BTBD2: variants seen among roughly 807,000 people sequenced by gnomAD.
The protein encoded by BTBD2 is BTB/POZ domain-containing protein 2.
BTBD2 carries 15 observed loss-of-function variants against 44.0 expected under a neutral mutation model. That is an observed-to-expected ratio of 0.34 (90% CI 0.23 to 0.53). The LOEUF is 0.53. Among genes scored for constraint, BTBD2 ranks in the 20% least tolerant of loss-of-function variants. The pLI is 0.95. For synonymous variants in BTBD2, 443 were observed against 335.9 expected, an observed-to-expected ratio of 1.32 and a Z score of -3.49; for missense variants, 657 against 746.4, an observed-to-expected ratio of 0.88 and a Z score of 1.39.
intron 5 of BTBD2, 122 bp downstream of exon 5, chr19:1,989,882 G>T: frequency 8.7e-7 from 1 of 1,149,238 alleles, no homozygotes; most frequent in Non-Finnish European, 1.2e-6. Context: ...CTTCCTATCT[G>T]TATATGCCAG....
rs375964482 is a variant in BTBD2 at position 2,012,402 on chromosome 19, G to A, written c.407+2895C>T. Among the ~76,000 whole-genome samples the A allele has an allele frequency of 6.8e-4, 104 of 152,028 alleles. 4 individuals carry two copies. Among genetic ancestry groups the A allele is most frequent in the African/African-American group, 2.0e-3 (83 of 41,374 alleles). ...CCCGACCTCGTGATCTGCCCGCCTC[G>A]GCCTCCCAAAGTGCTGGGATTCCAG... On this transcript the variant is annotated intron_variant, in intron 1 of 8. Coordinates refer to ENST00000255608, the MANE Select transcript of BTBD2 (RefSeq NM_017797.4).
At chr19:1,992,355 C>T (rs1323026606) in intron 3 of BTBD2, among the ~76,000 whole-genome samples, 1 of 152,018 alleles carries the variant, frequency 6.6e-6, no homozygotes, top group East Asian at 1.9e-4. Context: ...CTGTCTCAGC[C>T]TCCCAAAATG....
chr19:1,987,022 A>C lies in BTBD2; in HGVS notation c.1270-46T>G, dbSNP rs1337353341. On this transcript the variant is annotated intron_variant, in intron 7 of 8. Coordinates refer to ENST00000255608, the MANE Select transcript of BTBD2 (RefSeq NM_017797.4). ...GGAGGCTCAGGCCTGGGGAGGGCCA[A>C]CGGGGACCCCTCGAGGCCCAGCCCA... 2.5e-6 allele frequency: 4 copies of C among 1,598,928 alleles called. No individual in the cohort carries two copies. In the African/African-American group the frequency reaches 5.4e-5, roughly 21 times the overall value.
chr19:1,997,574 C>CCAGCAGG, intron 1 of BTBD2, 111 bp from the exon 2 acceptor site: 1 of 1,485,218 alleles, frequency 6.7e-7, no homozygotes, highest in Admixed American at 1.9e-5. Context: ...CTGCCAGCCT[C>CCAGCAGG]CAGCAGGCAT....
chr19:1,986,408 T>TG lies in BTBD2; in HGVS notation c.*79dup, dbSNP rs1050798544. ...GGACACTGGGCCTGGCACCGCGTGGTGGGGGGGCCCCAGCAGCAGATGATG... is the reference window on the plus strand; with the variant it reads ...GGACACTGGGCCTGGCACCGCGTGGTGGGGGGGGCCCCAGCAGCAGATGATG... On this transcript the variant is annotated 3_prime_UTR_variant, in exon 9 of 9. Transcript: ENST00000255608. 96 of 1,561,754 alleles carry TG rather than the reference T, an allele frequency of 6.1e-5. No individual in the cohort carries two copies. The East Asian group carries it at 1.3e-3, about 21-fold the overall frequency.
Position 1,990,161 on chromosome 19 carries a change from G to A in BTBD2, c.831C>T (p.Ile277=). The change falls in exon 5 of 9, where the codon ATC becomes ATT. Residue 277 remains isoleucine, a synonymous_variant. Coordinates refer to ENST00000255608, the MANE Select transcript of BTBD2 (RefSeq NM_017797.4). ...CGGCATTGAACAGCCGCACCTCACG[G>A]ATGCCCAGTGTGTCGCGCTCCAGGA... ...VAVLERDTLG[I]REVRLFNAVV... 1 of 1,610,314 alleles carries A rather than the reference G, an allele frequency of 6.2e-7. No homozygotes were observed. Among genetic ancestry groups the A allele is most frequent in the Non-Finnish European group, 8.5e-7 (1 of 1,178,892 alleles).
intron 3 of BTBD2, among the ~76,000 whole-genome samples, chr19:1,992,702 G>C (rs2016195688): frequency 6.6e-6 from 1 of 152,050 alleles, no homozygotes; most frequent in Admixed American, 6.6e-5. Context: ...CTCCCAAGTA[G>C]CTGGAATTAC....
At chr19:2,001,085 A>C (rs572998318) in intron 1 of BTBD2, among the ~76,000 whole-genome samples, 2 of 152,242 alleles carry the variant, frequency 1.3e-5, no homozygotes, top group East Asian at 3.9e-4. Flanking sequence ...GGAGTTCGAG[A>C]CCAGCCTGGC....
chr19:2,011,967 G>A (rs2016470503), intron 1 of BTBD2, among the ~76,000 whole-genome samples: 1 of 151,836 alleles, frequency 6.6e-6, no homozygotes, highest in Non-Finnish European at 1.5e-5. Context: ...TGATTCTCCT[G>A]CCTCAGCCTC....
rs1824377090 is a variant in BTBD2, at chr19:1,986,548, C to T, written c.1518G>A (p.Gly506=). 6.2e-7 allele frequency: 1 copy of T among 1,614,090 alleles called. No individual in the cohort carries two copies. The highest frequency in any genetic ancestry group is 8.5e-7 in the Non-Finnish European group (1 of 1,179,966). Residue 506 remains glycine, a synonymous_variant, in exon 9 of 9, where the codon GGG becomes GGA. Transcript: ENST00000255608. Reference sequence around the variant, plus strand: ...CCTCCACGGATGTGCCATTGTTGTTCCCGGCCGCGTAGCAAAAGGTGAAGC... The same window carrying T: ...CCTCCACGGATGTGCCATTGTTGTTTCCGGCCGCGTAGCAAAAGGTGAAGC... ...KTCFTFCYAA[G]NNNGTSVEDG... is the part of the protein sequence containing the mutation.
At position 1,990,277 on chromosome 19, in the gene BTBD2, G is replaced by A. The variant is rs149593659; in HGVS notation, c.791-76C>T. On this transcript the variant is annotated intron_variant, in intron 4 of 8. Coordinates refer to ENST00000255608, the MANE Select transcript of BTBD2 (RefSeq NM_017797.4). ...CTGCAGGAGGCAGTGAGACTAACGT[G>A]AGGACCAGCAGTTAAAGCCGGGCTG... 304 of 1,485,292 alleles carry A rather than the reference G, an allele frequency of 2.0e-4. 3 individuals are homozygous for A. In the African/African-American group the frequency reaches 2.5e-3, roughly 12 times the overall value. The allele number at this position is 1,485,292 out of a possible 1,614,324, so 92.0% of individuals were successfully genotyped here. A position where few individuals can be genotyped will look rare whatever the true frequency, so the allele number is the denominator to read the frequency against.
At chr19:1,995,279 C>T (rs796251093) in intron 2 of BTBD2, among the ~76,000 whole-genome samples, 24,317 of 123,444 alleles carry the variant, frequency 0.2, 2,857 homozygotes, top group East Asian at 0.31. Flanking sequence ...ACTTTGGATT[C>T]TTTTTTTTTT....
chr19:1,986,675 G>A (rs779560045), intron 8 of BTBD2, 26 bp from the exon 9 acceptor site: 3 of 1,608,710 alleles, frequency 1.9e-6, no homozygotes, highest in Non-Finnish European at 2.6e-6. Flanking sequence ...GTACAGTGAG[G>A]TCAAGGACCA....
intron 1 of BTBD2, among the ~76,000 whole-genome samples, chr19:2,009,063 G>A (rs555582120): frequency 2.0e-5 from 3 of 150,628 alleles, no homozygotes; most frequent in Non-Finnish European, 2.9e-5. Context: ...TTGTCACCCA[G>A]GCTGAAGTGC....
At chr19:2,012,553 G>A (rs531892391) in intron 1 of BTBD2, among the ~76,000 whole-genome samples, 46 of 152,332 alleles carry the variant, frequency 3.0e-4, no homozygotes, top group African/African-American at 1.0e-3. Context: ...TCCGGTCAGC[G>A]AGAAGCCATT....
chr19:1,997,538 C>G, intron 1 of BTBD2, 75 bp from the exon 2 acceptor site: 1 of 1,589,184 alleles, frequency 6.3e-7, no homozygotes, highest in Non-Finnish European at 8.6e-7. Context: ...GCCCGGTATC[C>G]TGGGTGACCA....
In BTBD2 at chr19:2,015,521, G is replaced by A. The variant is rs2016523159; in HGVS notation, c.183C>T (p.Ala61=). ...GCGCGTCTGTCCCGGGGCCCGGCGG[G>A]GCGGGCGGCGTCGGCCCAGGGGCGG... The part of the protein sequence containing the change: ...AAAAPGPTPP[A]PPGPGTDAQA... The change falls in exon 1 of 9, where the codon GCC becomes GCT. Residue 61 remains alanine, a synonymous_variant. Transcript: ENST00000255608. The A allele has an allele frequency of 1.0e-6, 1 of 971,380 alleles. No homozygotes were observed. Among genetic ancestry groups the A allele is most frequent in the Non-Finnish European group, 1.2e-6 (1 of 825,898 alleles). The allele number at this position is 971,380 out of a possible 1,614,324, so 60.2% of individuals were successfully genotyped here. A position where few individuals can be genotyped will look rare whatever the true frequency, so the allele number is the denominator to read the frequency against.
intron 1 of BTBD2, among the ~76,000 whole-genome samples, chr19:2,013,204 G>A (rs10421179): frequency 0.29 from 44,523 of 152,004 alleles, 6,899 homozygotes; most frequent in East Asian, 0.45. Context: ...GCACCCGAAG[G>A]TCAGAAGGGA....
At chr19:2,011,141 T>A (rs1476371504) in intron 1 of BTBD2, among the ~76,000 whole-genome samples, 3 of 152,044 alleles carry the variant, frequency 2.0e-5, no homozygotes, top group African/African-American at 7.3e-5. Context: ...CCAGTACTTG[T>A]CCCTCCTGAG....
Sources: gnomAD v4.1 joint callset for allele counts (sites outside exome capture counted in the v4.1 genomes callset) on GRCh38, gnomAD v4.1.1 for gene constraint, MANE v1.5 for transcripts, NCBI Gene and HGNC (gene_info 2026-07-23, HGNC 2026-07-21) for gene names.